The following PPFIA2 variants were observed in gnomAD, a reference collection of about 807,000 sequenced individuals.
The protein encoded by PPFIA2 is PPFI scaffold protein A2.
A neutral mutation model predicts 175.5 loss-of-function variants in PPFIA2; 46 were observed. That is an observed-to-expected ratio of 0.26 (90% CI 0.21 to 0.34). PPFIA2 has a LOEUF of 0.34. Ranked by LOEUF, PPFIA2 falls within the 10% of genes least tolerant of loss-of-function variation. PPFIA2 has a pLI of 1.00. For missense variants in PPFIA2, 1,179 were observed against 1,506.1 expected (o/e 0.78, Z 3.60); for synonymous variants, 568 against 511.4 (o/e 1.11, Z -1.49).
chr12:81,718,245 A>C (rs1371764748), intron 3 of PPFIA2, among the ~76,000 whole-genome samples: 1 of 151,712 alleles, frequency 6.6e-6, no homozygotes, highest in Non-Finnish European at 1.5e-5. Context: ...TTTTACATCA[A>C]GTGGCCAAGG....
chr12:81,331,620 G>T (rs934142579), intron 21 of PPFIA2, among the ~76,000 whole-genome samples: 1 of 152,108 alleles, frequency 6.6e-6, no homozygotes, highest in Non-Finnish European at 1.5e-5. Context: ...TGTGTATATT[G>T]CTTTTCATAC....
At chr12:81,443,202 T>TC (rs1364160869) in intron 6 of PPFIA2, among the ~76,000 whole-genome samples, 2 of 151,944 alleles carry the variant, frequency 1.3e-5, no homozygotes, top group Non-Finnish European at 2.9e-5. Flanking sequence ...TCATATCTAA[T>TC]CCTCATGATG....
chr12:81,382,995 G>C (rs1230394670), intron 9 of PPFIA2, among the ~76,000 whole-genome samples: 1 of 152,128 alleles, frequency 6.6e-6, no homozygotes, highest in Non-Finnish European at 1.5e-5. Flanking sequence ...AACCAGAAGA[G>C]GATAATGTGC....
chr12:81,691,143 A>C (rs2075195236), intron 3 of PPFIA2, among the ~76,000 whole-genome samples: 1 of 152,132 alleles, frequency 6.6e-6, no homozygotes, highest in Non-Finnish European at 1.5e-5. Context: ...TTAAAAATGT[A>C]AGTTAGAACA....
intron 4 of PPFIA2, among the ~76,000 whole-genome samples, chr12:81,571,486 T>C (rs1251677979): frequency 6.6e-6 from 1 of 152,080 alleles, no homozygotes; most frequent in African/African-American, 2.4e-5. Flanking sequence ...GGAAGCAGAC[T>C]CCTTGGGTTG....
chr12:81,337,006 T>C (rs2057240072), intron 21 of PPFIA2, among the ~76,000 whole-genome samples: 1 of 152,186 alleles, frequency 6.6e-6, no homozygotes, highest in South Asian at 2.1e-4. Flanking sequence ...GGATACCCCT[T>C]CTAGGACCAA....
intron 7 of PPFIA2, among the ~76,000 whole-genome samples, chr12:81,419,364 T>C (rs1325369789): frequency 6.6e-6 from 1 of 152,108 alleles, no homozygotes; most frequent in Non-Finnish European, 1.5e-5. Context: ...TATAAAGTAC[T>C]TACAAGAGAA....
intron 4 of PPFIA2, among the ~76,000 whole-genome samples, chr12:81,464,520 C>T (rs1359803955): frequency 6.6e-6 from 1 of 152,104 alleles, no homozygotes; most frequent in African/African-American, 2.4e-5. Flanking sequence ...ATTCAAGTGT[C>T]TGTGCTGCAA....
chr12:81,422,182 C>T, intron 7 of PPFIA2, among the ~76,000 whole-genome samples: 1 of 146,888 alleles, frequency 6.8e-6, no homozygotes, highest in African/African-American at 2.5e-5. Flanking sequence ...ATGTCATTTT[C>T]ATGAGATCTC....
chr12:81,662,325 G>A (rs981556696), intron 4 of PPFIA2, among the ~76,000 whole-genome samples: 3 of 152,128 alleles, frequency 2.0e-5, no homozygotes, highest in Non-Finnish European at 4.4e-5. Flanking sequence ...AAGAAGAAAA[G>A]AGAGAAGAAT....
chr12:81,396,493 A>C (rs952558934), intron 8 of PPFIA2, among the ~76,000 whole-genome samples: 7 of 151,984 alleles, frequency 4.6e-5, no homozygotes, highest in Non-Finnish European at 8.8e-5. Flanking sequence ...AGTCAACAGG[A>C]GGCCAGTGTG....
intron 4 of PPFIA2, among the ~76,000 whole-genome samples, chr12:81,587,178 G>C (rs190827548): frequency 6.6e-6 from 1 of 151,964 alleles, no homozygotes; most frequent in East Asian, 1.9e-4. Context: ...ATATCATCTT[G>C]AATTGTAATC....
At chr12:81,660,143 T>A (rs1371226990) in intron 4 of PPFIA2, among the ~76,000 whole-genome samples, 1 of 152,112 alleles carries the variant, frequency 6.6e-6, no homozygotes, top group African/African-American at 2.4e-5. Context: ...CAGAGCTCCT[T>A]TCCTCCTCCA....
chr12:81,436,114 T>C (rs947370404), intron 7 of PPFIA2, among the ~76,000 whole-genome samples: 1 of 150,130 alleles, frequency 6.7e-6, no homozygotes, highest in Non-Finnish European at 1.5e-5. Context: ...TCCATCTCTA[T>C]AAAGAATACA....
chr12:81,602,993 T>G (rs867944958), intron 4 of PPFIA2, among the ~76,000 whole-genome samples: 2 of 151,856 alleles, frequency 1.3e-5, no homozygotes, highest in South Asian at 4.1e-4. Context: ...ATGAATGTGC[T>G]GCTTACACAA....
At chr12:81,488,264 A>G (rs2146958190) in intron 4 of PPFIA2, among the ~76,000 whole-genome samples, 1 of 151,876 alleles carries the variant, frequency 6.6e-6, no homozygotes, top group African/African-American at 2.4e-5. Context: ...TCCGATTTTT[A>G]TTGACAAGTG....
At chr12:81,330,645 T>C (rs935092351) in intron 21 of PPFIA2, among the ~76,000 whole-genome samples, 1 of 152,192 alleles carries the variant, frequency 6.6e-6, no homozygotes, top group Non-Finnish European at 1.5e-5. Context: ...GACAAACCCA[T>C]ATTGCAAGGC....
intron 4 of PPFIA2, among the ~76,000 whole-genome samples, chr12:81,673,617 A>G (rs1039926879): frequency 6.6e-6 from 1 of 152,036 alleles, no homozygotes; most frequent in African/African-American, 2.4e-5. Flanking sequence ...ATTTTTATGA[A>G]TGGAAACATA....
rs1349092178 is a variant in PPFIA2 at position 81,263,219 on chromosome 12, A to G, written c.3715+12T>C. ...TTTTTGCTTGATAAGCAGCAATGCA[A>G]AACTACTGTACCATCTGTTGTCATT... is the stretch of plus-strand genomic sequence containing the variant. On this transcript the variant is annotated intron_variant, in intron 31 of 32. Coordinates refer to ENST00000549396, the MANE Select transcript of PPFIA2 (RefSeq NM_003625.5). 3.2e-6 allele frequency: 5 copies of G among 1,586,970 alleles called. No homozygotes were observed. The East Asian group carries it at 1.1e-4, about 36-fold the overall frequency.
Sources: allele counts gnomAD v4.1 joint callset (sites outside exome capture counted in the v4.1 genomes callset), GRCh38; gene constraint gnomAD v4.1.1; transcripts MANE v1.5; gene names NCBI Gene and HGNC (gene_info 2026-07-23, HGNC 2026-07-21).